LONRF2: variants seen among roughly 807,000 people sequenced by gnomAD.
LONRF2 encodes the protein LON peptidase N-terminal domain and RING finger protein 2.
In LONRF2, 35 loss-of-function variants were observed where a neutral mutation model predicts 66.6. The ratio of observed to expected loss-of-function variants is 0.53; its 90% CI spans 0.40 to 0.70. The LOEUF is 0.70. Ranked by LOEUF, LONRF2 falls within the 30% of genes least tolerant of loss-of-function variation. The pLI, the probability that LONRF2 is intolerant of heterozygous loss-of-function variation, is 0.00. For missense variants in LONRF2, 902 were observed against 1,002.1 expected, an observed-to-expected ratio of 0.90 and a Z score of 1.35; for synonymous variants, 417 against 418.1, an observed-to-expected ratio of 1.00 and a Z score of 0.03.
In LONRF2 at chr2:100,274,488, CA is replaced by C. The variant is rs1358049803; in HGVS notation, c.*9809del. 1 of 152,232 alleles carries C rather than the reference CA, an allele frequency of 6.6e-6. No homozygotes were observed. The highest frequency in any genetic ancestry group is 1.5e-5 in the Non-Finnish European group (1 of 68,042). 9.4% of individuals were successfully genotyped at this position (152,232 alleles called of 1,614,324 possible). A position where few individuals can be genotyped will look rare whatever the true frequency, so the allele number is the denominator to read the frequency against. ...TTTTTTATAATGTATAATGTTTTCA[CA>C]TCTTGGGGACCTCACTGACTGGGGA... is the stretch of plus-strand genomic sequence containing the variant. On this transcript the variant is annotated 3_prime_UTR_variant, in exon 12 of 12. Coordinates refer to ENST00000393437, the MANE Select transcript of LONRF2 (RefSeq NM_198461.4).
At chr2:100,315,975 T>C (rs1172978724) in intron 1 of LONRF2, among the ~76,000 whole-genome samples, 3 of 152,200 alleles carry the variant, frequency 2.0e-5, no homozygotes, top group East Asian at 1.9e-4. Context: ...CACTGTTGCA[T>C]TGCATCCCAC....
chr2:100,312,609 A>T (rs1216318463), intron 1 of LONRF2, among the ~76,000 whole-genome samples: 5 of 152,146 alleles, frequency 3.3e-5, no homozygotes, highest in Admixed American at 6.5e-5. Context: ...CTTTAACTGA[A>T]CTCCAAATTT....
intron 1 of LONRF2, among the ~76,000 whole-genome samples, chr2:100,318,534 T>C (rs1313251666): frequency 6.6e-6 from 1 of 152,054 alleles, no homozygotes; most frequent in Non-Finnish European, 1.5e-5. Flanking sequence ...ACATAATAAA[T>C]AAGCATCAGA....
intron 1 of LONRF2, among the ~76,000 whole-genome samples, chr2:100,318,131 T>A (rs1675545582): frequency 6.6e-6 from 1 of 152,198 alleles, no homozygotes; most frequent in Non-Finnish European, 1.5e-5. Context: ...CTCACATAAC[T>A]CCCATGCTCT....
intron 1 of LONRF2, among the ~76,000 whole-genome samples, chr2:100,315,056 C>T (rs1483090189): frequency 6.6e-6 from 1 of 152,142 alleles, no homozygotes; most frequent in Non-Finnish European, 1.5e-5. Context: ...CTTGCCAATA[C>T]TGAGTTTTGC....
chr2:100,299,866 T>C lies in LONRF2; in HGVS notation c.1118A>G (p.Tyr373Cys), dbSNP rs758821293. 6.2e-7 allele frequency: 1 copy of C among 1,612,762 alleles called. No individual in the cohort carries two copies. The highest frequency in any genetic ancestry group is 2.2e-5 in the East Asian group (1 of 44,876). ...TTCAAAGTGTAGACCCAGTATAAAA[T>C]ACAAAACTGAAGAATTGGTATTTCC... Reference protein sequence around the residue: ...MLGNTNSSVLYFILGLHFEED... With the variant: ...MLGNTNSSVLCFILGLHFEED... Residue 373 changes from tyrosine (Y) to cysteine (C), a missense_variant, in exon 5 of 12, where the codon TAT becomes TGT. Tyr to Cys is a radical substitution (Grantham distance 194). Transcript: ENST00000393437.
chr2:100,299,726 G>T lies in LONRF2; in HGVS notation c.1258C>A (p.Pro420Thr). 6.2e-7 allele frequency: 1 copy of T among 1,613,950 alleles called. No homozygotes were observed. Among genetic ancestry groups the T allele is most frequent in the Non-Finnish European group, 8.5e-7 (1 of 1,179,954 alleles). Residue 420 changes from proline to threonine, a missense_variant, in exon 5 of 12, where the codon CCC becomes ACC. Around this residue, in one of 2 missense-constraint regions of LONRF2, gnomAD observed 585 missense variants for 569.9 expected, o/e 1.03. Coordinates refer to ENST00000393437, the MANE Select transcript of LONRF2 (RefSeq NM_198461.4). ...AAAACAGTTCACTGACCTTTCTTGG[G>T]AATTTTTCCAGGGGCGTTCAGGTCA... is the stretch of plus-strand genomic sequence containing the variant. Reference protein sequence around the residue: ...APDLNAPGKIPKKDLSLQRSP... With the variant: ...APDLNAPGKITKKDLSLQRSP...
chr2:100,289,248 T>C (rs1674907995), intron 10 of LONRF2, among the ~76,000 whole-genome samples: 1 of 152,168 alleles, frequency 6.6e-6, no homozygotes, highest in Non-Finnish European at 1.5e-5. Context: ...TGGCTGCTTT[T>C]GCACTACAAG....
At chr2:100,292,163 T>C (rs1674975590) in intron 9 of LONRF2, among the ~76,000 whole-genome samples, 1 of 152,008 alleles carries the variant, frequency 6.6e-6, no homozygotes, top group African/African-American at 2.4e-5. Context: ...CATAGCATGG[T>C]GAAACTGGAG....
chr2:100,298,823 A>T lies in LONRF2; in HGVS notation c.1476+13T>A, dbSNP rs375699370. The T allele has an allele frequency of 8.8e-6, 14 of 1,598,360 alleles. No homozygotes were observed. Among genetic ancestry groups the T allele is most frequent in the Admixed American group, 1.7e-5 (1 of 59,962 alleles). On this transcript the variant is annotated intron_variant, in intron 7 of 11. Coordinates refer to ENST00000393437, the MANE Select transcript of LONRF2 (RefSeq NM_198461.4). The stretch of plus-strand genomic sequence containing the variant: ...AGGAGGAGCTGTCCCGTCATTTCCT[A>T]AAGTGTACTTACTTCCGAAAGTTTG...
intron 1 of LONRF2, among the ~76,000 whole-genome samples, chr2:100,318,841 A>AG (rs1553542426): frequency 6.6e-6 from 1 of 150,792 alleles, no homozygotes; most frequent in Non-Finnish European, 1.5e-5. Context: ...CAAAAAAAAA[A>AG]AAAGAAAAGG....
intron 8 of LONRF2, among the ~76,000 whole-genome samples, chr2:100,295,192 T>C (rs929789398): frequency 1.3e-5 from 2 of 152,164 alleles, no homozygotes; most frequent in Non-Finnish European, 2.9e-5. Context: ...ATCACTTATT[T>C]ACATACAAAA....
At position 100,299,896 on chromosome 2, in the gene LONRF2, A is replaced by G. The variant is rs2105724976; in HGVS notation, c.1088T>C (p.Met363Thr). 6.2e-7 allele frequency: 1 copy of G among 1,610,116 alleles called. No homozygotes were observed. The highest frequency in any genetic ancestry group is 8.5e-7 in the Non-Finnish European group (1 of 1,176,766). ...AACTGAAGAATTGGTATTTCCAAGC[A>G]TATCAGATTTCTCAGATGAATTCTG... ...SSENSSEKSD[M>T]LGNTNSSVLY... The change falls in exon 5 of 12, where the codon ATG (methionine) becomes ACG (threonine). Residue 363 changes from methionine to threonine, a missense_variant. Met to Thr is a moderately conservative substitution (Grantham distance 81). Around this residue, in one of 2 missense-constraint regions of LONRF2, gnomAD observed 585 missense variants for 569.9 expected, o/e 1.03. Transcript: ENST00000393437.
chr2:100,298,770 A>C, intron 7 of LONRF2, 66 bp downstream of exon 7: 2 of 1,175,106 alleles, frequency 1.7e-6, no homozygotes, highest in Non-Finnish European at 2.5e-6. Flanking sequence ...AACACGAGAC[A>C]GGGAGTAAGC....
chr2:100,302,137 TA>T (rs1244464079), intron 3 of LONRF2, among the ~76,000 whole-genome samples: 2 of 152,216 alleles, frequency 1.3e-5, no homozygotes, highest in Non-Finnish European at 2.9e-5. Context: ...ATGTAGATGC[TA>T]AAACACAGGG....
chr2:100,294,314 CA>C lies in LONRF2; in HGVS notation c.1671del (p.Phe557LeufsTer8). 6.2e-7 allele frequency: 1 copy of C among 1,609,614 alleles called. No homozygotes were observed. The highest frequency in any genetic ancestry group is 1.1e-5 in the South Asian group (1 of 90,180). ...CTTATCATAAGCCGATAGCGGGGCT[CA>C]AAAACGTGGAGTGGACATGGGACCG... is the stretch of plus-strand genomic sequence containing the variant. ...FPTVPCPLHV[F>X]EPRYRLMIRR... is the part of the protein sequence containing the mutation. On this transcript the variant is annotated frameshift_variant, in exon 9 of 12. Transcript: ENST00000393437. LOFTEE classifies it high-confidence loss of function.
At chr2:100,297,803 G>T (rs1675103081) in intron 7 of LONRF2, among the ~76,000 whole-genome samples, 2 of 152,150 alleles carry the variant, frequency 1.3e-5, no homozygotes, top group African/African-American at 4.8e-5. Context: ...CAGTATGCAT[G>T]CAATTTAATA....
Position 100,279,679 on chromosome 2 carries a change from A to G in LONRF2, c.*4619T>C, listed in dbSNP as rs1475062440. On this transcript the variant is annotated 3_prime_UTR_variant, in exon 12 of 12. Coordinates refer to ENST00000393437, the MANE Select transcript of LONRF2 (RefSeq NM_198461.4). ...AAAGGGCTACCCTGGGAGCAAAGTG[A>G]CCAATCCAGAGCCCATCCTCCTCTA... is the stretch of plus-strand genomic sequence containing the variant. 1.3e-5 allele frequency: 2 copies of G among 152,082 alleles called. No homozygotes were observed. The highest frequency in any genetic ancestry group is 4.8e-5 in the African/African-American group (2 of 41,384). 9.4% of individuals were successfully genotyped at this position (152,082 alleles called of 1,614,324 possible).
At chr2:100,317,827 T>C (rs1049096379) in intron 1 of LONRF2, among the ~76,000 whole-genome samples, 2 of 152,226 alleles carry the variant, frequency 1.3e-5, no homozygotes, top group Non-Finnish European at 2.9e-5. Context: ...CAGTCTTCTA[T>C]GATTCCTTCG....
Sources: allele counts gnomAD v4.1 joint callset (sites outside exome capture counted in the v4.1 genomes callset), GRCh38; gene constraint gnomAD v4.1.1; regional missense constraint gnomAD v4.1.1; transcripts MANE v1.5; gene names NCBI Gene and HGNC (gene_info 2026-07-23, HGNC 2026-07-21).